SSPN: variants seen among roughly 807,000 people sequenced by gnomAD.
The protein encoded by SSPN is K-ras oncogene-associated protein.
SSPN carries 15 observed loss-of-function variants against 19.1 expected under a neutral mutation model. The ratio of observed to expected loss-of-function variants is 0.78; its 90% confidence interval spans 0.52 to 1.21. The LOEUF (loss-of-function observed/expected upper bound fraction) is 1.21. Ranked by LOEUF, SSPN falls within the 50% of genes most tolerant of loss-of-function variation. The probability of loss-of-function intolerance (pLI) is 0.00; values close to 1 mark genes in which losing one functional copy is unlikely to be tolerated. For synonymous variants in SSPN, 147 were observed against 140.3 expected, an observed-to-expected ratio of 1.05 and a Z score of -0.34; for missense variants, 291 against 314.0, an observed-to-expected ratio of 0.93 and a Z score of 0.55.
At chr12:26,135,747 T>C (rs867895340) in intron 1 of SSPN, among the ~76,000 whole-genome samples, 2 of 152,214 alleles carry the variant, frequency 1.3e-5, no homozygotes, top group South Asian at 2.1e-4. Flanking sequence ...TTGCCAAATA[T>C]AGCCCCGGTG....
rs144138976 is a variant in SSPN, at chr12:26,183,008, C to T, written c.-30-41285C>T. On this transcript the variant is annotated intron_variant, in intron 1 of 2. Coordinates refer to the SSPN transcript ENST00000538142. ...CTCAAACTCTTGACCCCAAGTGATC[C>T]GCCTGCCTCAGCCTCCCAAAGTGCT... Among the ~76,000 whole-genome samples the T allele has an allele frequency of 5.3e-5, 8 of 152,232 alleles. No individual in the cohort carries two copies. In the East Asian group the frequency reaches 5.8e-4, roughly 11 times the overall value.
At chr12:26,180,926 T>A (rs963250810) in intron 1 of SSPN, 10 of 152,140 alleles carry the variant, frequency 6.6e-5, no homozygotes, top group African/African-American at 9.7e-5. Context: ...GAATAAAAAA[T>A]TTCCAAGGAG....
At chr12:26,124,872 G>C in intron 1 of SSPN, 1 of 1,237,580 alleles carries the variant, frequency 8.1e-7, no homozygotes, top group South Asian at 1.2e-5. Context: ...GGGGGGATCT[G>C]TGCGTCTCCA....
At chr12:26,193,936 C>T (rs1944804456), upstream of SSPN, among the ~76,000 whole-genome samples, 1 of 152,174 alleles carries the variant, frequency 6.6e-6, no homozygotes, top group Non-Finnish European at 1.5e-5. Context: ...TTTGTGGGGA[C>T]TTGGCAGTTT....
Position 26,122,227 on chromosome 12 carries a change from C to A in SSPN, c.-31+75C>A, listed in dbSNP as rs1341737730. The stretch of plus-strand genomic sequence containing the variant: ...ACCTCGTGCGGCAGGAGGGTCGCGG[C>A]GGCGGCGCCCGCCTTCTCGGGAGGG... On this transcript the variant is annotated intron_variant, in intron 1 of 2. Coordinates refer to the SSPN transcript ENST00000538142. The A allele has an allele frequency of 4.6e-6, 6 of 1,292,510 alleles. No individual in the cohort carries two copies. In the African/African-American group the frequency reaches 9.4e-5, roughly 20 times the overall value. The allele number at this position is 1,292,510 out of a possible 1,614,324, so 80.1% of individuals were successfully genotyped here. A position where few individuals can be genotyped will look rare whatever the true frequency, so the allele number is the denominator to read the frequency against.
At chr12:26,201,043 A>G (rs1214060320) in intron 1 of SSPN, among the ~76,000 whole-genome samples, 10 of 57,032 alleles carry the variant, frequency 1.8e-4, no homozygotes, top group Non-Finnish European at 2.9e-4. Flanking sequence ...ATATATATAT[A>G]TATTATATAT....
intron 1 of SSPN, among the ~76,000 whole-genome samples, chr12:26,134,588 C>A (rs967325053): frequency 1.8e-4 from 27 of 152,226 alleles, no homozygotes; most frequent in African/African-American, 6.5e-4. Context: ...TCCACCAAAT[C>A]ATCTATACAC....
At chr12:26,193,742 G>A (rs531063457), upstream of SSPN, among the ~76,000 whole-genome samples, 18 of 152,178 alleles carry the variant, frequency 1.2e-4, no homozygotes, top group African/African-American at 3.9e-4. Context: ...GTAAGAGTGA[G>A]TGCTATTTCT....
At chr12:26,172,081 GT>G (rs1456945691) in intron 1 of SSPN, among the ~76,000 whole-genome samples, 1 of 152,016 alleles carries the variant, frequency 6.6e-6, no homozygotes, top group East Asian at 1.9e-4. Flanking sequence ...TTTTATTTTT[GT>G]TATTATTTTT....
intron 1 of SSPN, among the ~76,000 whole-genome samples, chr12:26,145,662 T>C (rs149232245): frequency 1.3e-3 from 196 of 152,232 alleles, no homozygotes; most frequent in Middle Eastern, 6.8e-3. Flanking sequence ...AGTCCTGCAG[T>C]CTTGGACATG....
chr12:26,182,858 G>A (rs1944728828), intron 1 of SSPN, among the ~76,000 whole-genome samples: 1 of 151,210 alleles, frequency 6.6e-6, no homozygotes, highest in African/African-American at 2.4e-5. Flanking sequence ...CGCCTCCCAG[G>A]TTCAAGTGAT....
At chr12:26,212,658 A>G (rs922420583) in intron 1 of SSPN, among the ~76,000 whole-genome samples, 4 of 152,044 alleles carry the variant, frequency 2.6e-5, no homozygotes, top group Non-Finnish European at 5.9e-5. Context: ...AAAAAAAAAA[A>G]GTAAAATCAG....
intron 1 of SSPN, among the ~76,000 whole-genome samples, chr12:26,202,932 A>G (rs1944899227): frequency 6.6e-6 from 1 of 152,228 alleles, no homozygotes; most frequent in Admixed American, 6.5e-5. Context: ...ACAATTCCAC[A>G]TGGCTGAGGA....
At chr12:26,185,732 G>T (rs1944749753) in intron 1 of SSPN, among the ~76,000 whole-genome samples, 1 of 152,198 alleles carries the variant, frequency 6.6e-6, no homozygotes, top group African/African-American at 2.4e-5. Flanking sequence ...TGCCAAGTCT[G>T]TGAGTGATCA....
intron 2 of SSPN, among the ~76,000 whole-genome samples, chr12:26,230,460 G>T (rs918439945): frequency 6.6e-6 from 1 of 152,164 alleles, no homozygotes; most frequent in African/African-American, 2.4e-5. Context: ...TAATATGGTT[G>T]TCACAACTCT....
chr12:26,136,338 C>G (rs1458977104), intron 1 of SSPN, among the ~76,000 whole-genome samples: 1 of 152,130 alleles, frequency 6.6e-6, no homozygotes, highest in African/African-American at 2.4e-5. Flanking sequence ...TGTATGGTGG[C>G]AGAGTTGGTA....
intron 1 of SSPN, among the ~76,000 whole-genome samples, chr12:26,156,058 GA>G (rs1324316848): frequency 4.6e-5 from 7 of 152,326 alleles, no homozygotes; most frequent in South Asian, 4.1e-4. Flanking sequence ...ATCTTAGAAT[GA>G]AAGTAAGACA....
At chr12:26,229,998 C>CA (rs1392704830) in intron 2 of SSPN, among the ~76,000 whole-genome samples, 2 of 151,432 alleles carry the variant, frequency 1.3e-5, no homozygotes, top group Non-Finnish European at 2.9e-5. Context: ...ATCTGGAGGC[C>CA]AACAGTGTTC....
At chr12:26,227,030 G>A (rs1945185159) in intron 2 of SSPN, among the ~76,000 whole-genome samples, 1 of 152,102 alleles carries the variant, frequency 6.6e-6, no homozygotes, top group South Asian at 2.1e-4. Context: ...GGGCTGATGG[G>A]CTGACACCCG....
Sources: gnomAD v4.1 joint callset for allele counts (sites outside exome capture counted in the v4.1 genomes callset) on GRCh38, gnomAD v4.1.1 for gene constraint, MANE v1.5 for transcripts, NCBI Gene and HGNC (gene_info 2026-07-23, HGNC 2026-07-21) for gene names.